Variants in LAMC2 observed in about 807,000 individuals in gnomAD.
LAMC2 encodes laminin subunit gamma 2, also known as laminin subunit gamma-2.
Under a neutral mutation model 140.2 loss-of-function variants are expected in LAMC2, and 97 were observed. The ratio of observed to expected loss-of-function variants is 0.69; its 90% CI spans 0.59 to 0.82. The LOEUF is 0.82. Ranked by LOEUF, LAMC2 falls within the 40% of genes least tolerant of loss-of-function variation. The pLI is 0.00. For synonymous variants in LAMC2, 513 were observed against 540.2 expected (o/e 0.95, Z 0.70); for missense variants, 1,402 against 1,476.1 (o/e 0.95, Z 0.82).
At chr1:183,189,799 G>T (rs1031191506) in intron 1 of LAMC2, among the ~76,000 whole-genome samples, 8 of 152,320 alleles carry the variant, frequency 5.3e-5, no homozygotes, top group African/African-American at 1.9e-4. Context: ...ATCCAAATGT[G>T]TATATACAAA....
intron 7 of LAMC2, among the ~76,000 whole-genome samples, chr1:183,224,994 A>G (rs1279887594): frequency 6.6e-6 from 1 of 152,176 alleles, no homozygotes; most frequent in Non-Finnish European, 1.5e-5. Context: ...AACCAAGTGC[A>G]CAGTCAACTT....
At chr1:183,231,675 A>G (rs1444180361) in intron 12 of LAMC2, among the ~76,000 whole-genome samples, 1 of 152,234 alleles carries the variant, frequency 6.6e-6, no homozygotes, top group African/African-American at 2.4e-5. Flanking sequence ...AATGAACTTG[A>G]TGTTCTTGTT....
At chr1:183,215,204 C>A (rs1659213598) in intron 2 of LAMC2, among the ~76,000 whole-genome samples, 1 of 152,142 alleles carries the variant, frequency 6.6e-6, no homozygotes, top group South Asian at 2.1e-4. Flanking sequence ...TACCTACTGT[C>A]ACAATCAGAG....
chr1:183,223,031 G>C, intron 6 of LAMC2, 104 bp from the exon 7 acceptor site: 1 of 1,009,508 alleles, frequency 9.9e-7, no homozygotes, highest in Non-Finnish European at 1.5e-6. Context: ...GGGGCAGCAT[G>C]ACACAGGACT....
At chr1:183,235,530 C>T (rs749422784) in intron 15 of LAMC2, 45 bp from the exon 16 acceptor site, 14 of 1,609,866 alleles carry the variant, frequency 8.7e-6, no homozygotes, top group Admixed American at 1.7e-5. Flanking sequence ...CTAAAGGAAG[C>T]CCTTTGCGTG....
In LAMC2 at chr1:183,199,460, C is replaced by A. The variant is rs138177013; in HGVS notation, c.80-8421C>A. On this transcript the variant is annotated intron_variant, in intron 1 of 22. Coordinates refer to ENST00000264144, the MANE Select transcript of LAMC2 (RefSeq NM_005562.3). ...TCCTTCCTTCTTTCCTTCCTTCCTCCCTCCCTCTCTTTCTTCCTTCCTTCC... is the reference window on the plus strand; with the variant it reads ...TCCTTCCTTCTTTCCTTCCTTCCTCACTCCCTCTCTTTCTTCCTTCCTTCC... Among the ~76,000 whole-genome samples the A allele has an allele frequency of 7.0e-4, 107 of 151,856 alleles. 1 individual carries two copies. The highest frequency in any genetic ancestry group is 2.4e-3 in the African/African-American group (99 of 41,418).
chr1:183,193,805 T>G (rs1658422493), intron 1 of LAMC2, among the ~76,000 whole-genome samples: 1 of 150,328 alleles, frequency 6.7e-6, no homozygotes, highest in Non-Finnish European at 1.5e-5. Context: ...TCAACTGAGA[T>G]GCAAGATACT....
chr1:183,257,779 CA>C, the LAMC2 span, among the ~76,000 whole-genome samples: 1 of 147,110 alleles, frequency 6.8e-6, no homozygotes, highest in Non-Finnish European at 1.5e-5. Context: ...AAAGGTTTGT[CA>C]ATTTTGTTTT....
chr1:183,197,356 A>G (rs1363636145), intron 1 of LAMC2, among the ~76,000 whole-genome samples: 1 of 152,188 alleles, frequency 6.6e-6, no homozygotes, highest in Non-Finnish European at 1.5e-5. Context: ...GTTTTGTGTA[A>G]AGAACTTTTG....
chr1:183,223,462 T>C, intron 7 of LAMC2, 138 bp downstream of exon 7: 1 of 786,088 alleles, frequency 1.3e-6, no homozygotes, highest in East Asian at 2.7e-5. Flanking sequence ...AAGGTTGCTA[T>C]GTGCTGAGAA....
At chr1:183,225,526 C>T (rs2102227864) in intron 7 of LAMC2, 82 bp from the exon 8 acceptor site, 1 of 976,702 alleles carries the variant, frequency 1.0e-6, no homozygotes, top group Non-Finnish European at 1.7e-6. Flanking sequence ...TTAGCTGTTC[C>T]CGTATCCTCA....
chr1:183,214,899 TC>T (rs1055940236), intron 2 of LAMC2, among the ~76,000 whole-genome samples: 1 of 152,050 alleles, frequency 6.6e-6, no homozygotes, highest in African/African-American at 2.4e-5. Context: ...ACAAGTACAG[TC>T]CCCTAAGTAA....
intron 2 of LAMC2, among the ~76,000 whole-genome samples, chr1:183,211,440 A>G (rs566680788): frequency 6.6e-6 from 1 of 152,356 alleles, no homozygotes; most frequent in South Asian, 2.1e-4. Flanking sequence ...GCAAGTGTAT[A>G]TATTTTTAAA....
Position 183,228,754 on chromosome 1 carries a change from A to T in LAMC2, c.1714+135A>T. On this transcript the variant is annotated intron_variant, in intron 11 of 22. Coordinates refer to ENST00000264144, the MANE Select transcript of LAMC2 (RefSeq NM_005562.3). The surrounding 1 kb of genome is among the most constrained non-coding windows in gnomAD (Gnocchi z 4.3). ...TCTCTGACCAAACTGGCCTGTGAGCACCCTGGGCCTTTCTTCCTCTGTCAA... is the reference window on the plus strand; with the variant it reads ...TCTCTGACCAAACTGGCCTGTGAGCTCCCTGGGCCTTTCTTCCTCTGTCAA... The T allele has an allele frequency of 8.4e-7, 1 of 1,193,618 alleles. No homozygotes were observed. Among genetic ancestry groups the T allele is most frequent in the Non-Finnish European group, 1.2e-6 (1 of 818,444 alleles). 73.9% of individuals were successfully genotyped at this position (1,193,618 alleles called of 1,614,324 possible). A position where few individuals can be genotyped will look rare whatever the true frequency, so the allele number is the denominator to read the frequency against.
At chr1:183,241,630 A>T (rs901836858) in intron 22 of LAMC2, among the ~76,000 whole-genome samples, 3 of 152,174 alleles carry the variant, frequency 2.0e-5, no homozygotes, top group Non-Finnish European at 4.4e-5. Context: ...CTGCTATTCC[A>T]GTTCAGTAGA....
At chr1:183,251,369 A>C in the LAMC2 span, 39 of 152,410 alleles carry the variant, frequency 2.6e-4, no homozygotes, top group African/African-American at 8.4e-4. Context: ...ATCAGTTATC[A>C]TCAGGGCAAC....
Position 183,228,951 on chromosome 1 carries a change from A to G in LAMC2, c.1714+332A>G, listed in dbSNP as rs1037416186. ...GCAGGGAGGCAGGGAAGTGGCTGCC[A>G]AACCTGTTGTAGGAGAGTAATAAAT... is the stretch of plus-strand genomic sequence containing the variant. On this transcript the variant is annotated intron_variant, in intron 11 of 22. Transcript: ENST00000264144. The surrounding 1 kb of genome is among the most constrained non-coding windows in gnomAD (Gnocchi z 4.3). Among the ~76,000 whole-genome samples, 3 of 152,220 alleles carry G rather than the reference A, an allele frequency of 2.0e-5. No individual in the cohort carries two copies. The highest frequency in any genetic ancestry group is 7.2e-5 in the African/African-American group (3 of 41,462).
chr1:183,205,630 G>C (rs1658858736), intron 1 of LAMC2, among the ~76,000 whole-genome samples: 1 of 152,204 alleles, frequency 6.6e-6, no homozygotes, highest in Admixed American at 6.5e-5. Context: ...GTGGTTGAAA[G>C]ACTTGGAGAT....
intron 8 of LAMC2, among the ~76,000 whole-genome samples, chr1:183,226,315 CA>C (rs2102229281): frequency 6.6e-6 from 1 of 152,160 alleles, no homozygotes; most frequent in African/African-American, 2.4e-5. Context: ...AAAGGTGTAA[CA>C]ATGTATTGAC....
Sources: allele counts gnomAD v4.1 joint callset (sites outside exome capture counted in the v4.1 genomes callset), GRCh38; gene constraint gnomAD v4.1.1; non-coding constraint Gnocchi (gnomAD v3.1); transcripts MANE v1.5; gene names NCBI Gene and HGNC (gene_info 2026-07-23, HGNC 2026-07-21).